Variants in PTPRB observed in about 807,000 individuals in gnomAD.
PTPRB encodes the protein receptor-type tyrosine-protein phosphatase beta.
A neutral mutation model predicts 238.1 loss-of-function variants in PTPRB; 97 were observed. The observed-to-expected ratio is 0.41, with a 90% CI of 0.35 to 0.48. The LOEUF (loss-of-function observed/expected upper bound fraction) is 0.48, where lower values mean the gene tolerates loss of function less well. PTPRB is among the 20% of genes least tolerant of loss of function. PTPRB has a pLI of 0.30. For synonymous variants in PTPRB, 970 were observed against 995.4 expected (o/e 0.97, Z 0.48); for missense variants, 2,292 against 2,681.9 (o/e 0.85, Z 3.21).
chr12:70,526,933 C>T (rs1327019768), intron 32 of PTPRB, among the ~76,000 whole-genome samples: 3 of 152,184 alleles, frequency 2.0e-5, no homozygotes, highest in Admixed American at 2.0e-4. Flanking sequence ...AATACAAATT[C>T]TTCCTTTCCC....
Position 70,589,951 on chromosome 12 carries a change from C to T in PTPRB, c.2050+13G>A. ...ACTCTTCCATTGGTATTAACATCTTCATATTTGCCTACCTGTCCTGCCTTG... is the reference window on the plus strand; with the variant it reads ...ACTCTTCCATTGGTATTAACATCTTTATATTTGCCTACCTGTCCTGCCTTG... On this transcript the variant is annotated intron_variant, in intron 8 of 33. Coordinates refer to ENST00000334414, the MANE Select transcript of PTPRB (RefSeq NM_001109754.4). 6.2e-7 allele frequency: 1 copy of T among 1,610,366 alleles called. No homozygotes were observed. Among genetic ancestry groups the T allele is most frequent in the South Asian group, 1.1e-5 (1 of 90,644 alleles).
intron 11 of PTPRB, among the ~76,000 whole-genome samples, chr12:70,574,449 G>A (rs12813581): frequency 0.051 from 7,760 of 152,260 alleles, 460 homozygotes; most frequent in East Asian, 0.21. Flanking sequence ...AAATTATGAA[G>A]TGGCATTTTA....
chr12:70,622,167 C>A (rs1884968961), intron 3 of PTPRB, among the ~76,000 whole-genome samples: 2 of 152,220 alleles, frequency 1.3e-5, no homozygotes, highest in African/African-American at 4.8e-5. Context: ...TATTCCATGG[C>A]AGCCTAATTA....
At chr12:70,608,306 G>A (rs1592584710) in intron 4 of PTPRB, among the ~76,000 whole-genome samples, 1 of 152,200 alleles carries the variant, frequency 6.6e-6, no homozygotes, top group Non-Finnish European at 1.5e-5. Flanking sequence ...GGGTAGCTCT[G>A]AGGATTAAAT....
intron 29 of PTPRB, among the ~76,000 whole-genome samples, chr12:70,535,780 G>A (rs984067833): frequency 1.3e-5 from 2 of 152,096 alleles, no homozygotes; most frequent in African/African-American, 4.8e-5. Flanking sequence ...TTGGTGTAAT[G>A]GGCACTGCCA....
chr12:70,551,083 A>G (rs1876812756), intron 21 of PTPRB, among the ~76,000 whole-genome samples: 1 of 151,986 alleles, frequency 6.6e-6, no homozygotes, highest in Non-Finnish European at 1.5e-5. Flanking sequence ...TTTAGTAGAG[A>G]CGGAGTTTTA....
intron 6 of PTPRB, among the ~76,000 whole-genome samples, chr12:70,593,903 C>T (rs562950670): frequency 6.6e-6 from 1 of 152,212 alleles, no homozygotes; most frequent in Non-Finnish European, 1.5e-5. Context: ...ATTATATCAG[C>T]AATGCCCAGC....
chr12:70,526,956 C>G (rs1872534417), intron 32 of PTPRB, among the ~76,000 whole-genome samples: 1 of 152,184 alleles, frequency 6.6e-6, no homozygotes, highest in Non-Finnish European at 1.5e-5. Flanking sequence ...TAGAACGTCC[C>G]TTTGAAAATG....
chr12:70,533,063 G>T (rs1488042683), intron 31 of PTPRB, among the ~76,000 whole-genome samples: 1 of 152,154 alleles, frequency 6.6e-6, no homozygotes, highest in African/African-American at 2.4e-5. Context: ...TATATGTGGA[G>T]ATTTCTCAGG....
At chr12:70,537,919 C>A in intron 28 of PTPRB, 2 of 440,188 alleles carry the variant, frequency 4.5e-6, no homozygotes, top group Non-Finnish European at 8.1e-6. Context: ...AGTAGATGAT[C>A]TATGAAAATG....
At position 70,576,523 on chromosome 12, in the gene PTPRB, T is replaced by C; in HGVS notation, c.2701A>G (p.Lys901Glu). 1 of 1,566,874 alleles carries C rather than the reference T, an allele frequency of 6.4e-7. No individual in the cohort carries two copies. Among genetic ancestry groups the C allele is most frequent in the Non-Finnish European group, 8.7e-7 (1 of 1,154,208 alleles). Reference protein sequence around the residue: ...NYEVTLSHDGKVVQSLVIAKS... With the variant: ...NYEVTLSHDGEVVQSLVIAKS... ...GCAATGACAAGGGACTGAACCACCT[T>C]GCCGTCATGAGACAATGTTACCTCA... Residue 901 changes from lysine (K) to glutamate (E), a missense_variant, in exon 11 of 34, where the codon AAG (lysine) becomes GAG (glutamate). Physicochemically the swap from Lys to Glu is moderately conservative, Grantham distance 56. Coordinates refer to ENST00000334414, the MANE Select transcript of PTPRB (RefSeq NM_001109754.4).
Position 70,563,233 on chromosome 12 carries a change from A to G in PTPRB, c.3905-126T>C. 2.9e-6 allele frequency: 3 copies of G among 1,024,662 alleles called. No homozygotes were observed. In the African/African-American group the frequency reaches 4.9e-5, roughly 17 times the overall value. 63.5% of individuals were successfully genotyped at this position (1,024,662 alleles called of 1,614,324 possible). Reference sequence around the variant, plus strand: ...TTCAGTGATACGGGAAACAGTAACAATAGGAAAAGCCAAAAGCACTTTACA... The same window carrying G: ...TTCAGTGATACGGGAAACAGTAACAGTAGGAAAAGCCAAAAGCACTTTACA... On this transcript the variant is annotated intron_variant, in intron 15 of 33. Transcript: ENST00000334414.
intron 3 of PTPRB, among the ~76,000 whole-genome samples, chr12:70,610,530 C>T (rs938022223): frequency 4.6e-5 from 7 of 152,086 alleles, no homozygotes; most frequent in African/African-American, 1.7e-4. Context: ...CGCCTGCACT[C>T]TTTCCTGAAG....
intron 18 of PTPRB, among the ~76,000 whole-genome samples, chr12:70,556,738 A>AGAT (rs1877737150): frequency 6.6e-6 from 1 of 152,234 alleles, no homozygotes; most frequent in Non-Finnish European, 1.5e-5. Flanking sequence ...AGAAAATCAA[A>AGAT]GATAAAGAAA....
chr12:70,614,540 C>T (rs1884595743), intron 3 of PTPRB, among the ~76,000 whole-genome samples: 1 of 151,982 alleles, frequency 6.6e-6, no homozygotes, highest in South Asian at 2.1e-4. Flanking sequence ...CAGAGTGAGA[C>T]TCCATCTCAA....
chr12:70,574,880 A>G (rs1238872297), intron 11 of PTPRB, among the ~76,000 whole-genome samples: 2 of 152,216 alleles, frequency 1.3e-5, no homozygotes, highest in Non-Finnish European at 2.9e-5. Flanking sequence ...CAATCTCAGC[A>G]AAAGACTTGG....
intron 32 of PTPRB, chr12:70,527,738 G>GGTAA (rs1592388536): frequency 6.6e-6 from 1 of 152,138 alleles, no homozygotes; most frequent in East Asian, 1.9e-4. Flanking sequence ...TAAAGACAGA[G>GGTAA]GTAAGTTGAA....
intron 2 of PTPRB, among the ~76,000 whole-genome samples, chr12:70,624,314 T>G (rs936941932): frequency 3.9e-5 from 6 of 152,218 alleles, no homozygotes; most frequent in Admixed American, 3.9e-4. Flanking sequence ...GTATATTATC[T>G]GGCGATCCTA....
At chr12:70,538,833 ATTATATTTCT>A in intron 27 of PTPRB, 81 bp downstream of exon 27, 2 of 1,019,192 alleles carry the variant, frequency 2.0e-6, no homozygotes, top group Non-Finnish European at 3.0e-6. Flanking sequence ...ATCGAGCTAT[ATTATATTTCT>A]TTAGCCTCAT....
Sources: gnomAD v4.1 joint callset for allele counts (sites outside exome capture counted in the v4.1 genomes callset) on GRCh38, gnomAD v4.1.1 for gene constraint, MANE v1.5 for transcripts, NCBI Gene and HGNC (gene_info 2026-07-23, HGNC 2026-07-21) for gene names.